The following RALA variants were observed in gnomAD, a reference collection of about 807,000 sequenced individuals.
RALA encodes the protein ras-related protein Ral-A.
In RALA, 5 loss-of-function variants were observed where a neutral mutation model predicts 24.0. The observed-to-expected ratio is 0.21, with a 90% confidence interval of 0.11 to 0.44. The LOEUF is 0.44. Among genes scored for constraint, RALA ranks in the 20% least tolerant of loss-of-function variants. The probability of loss-of-function intolerance (pLI) is 0.99; values close to 1 mark genes in which losing one functional copy is unlikely to be tolerated. For missense variants in RALA, 95 were observed against 241.2 expected (o/e 0.39, Z 4.01); for synonymous variants, 77 against 83.8 (o/e 0.92, Z 0.44).
chr7:39,630,081 G>T (rs956666183), intron 1 of RALA, among the ~76,000 whole-genome samples: 1 of 151,892 alleles, frequency 6.6e-6, no homozygotes, highest in Non-Finnish European at 1.5e-5. Flanking sequence ...GACCCTCCAG[G>T]CTGGAGTGCA....
intron 1 of RALA, among the ~76,000 whole-genome samples, chr7:39,660,652 C>T (rs961553924): frequency 1.3e-5 from 2 of 152,048 alleles, no homozygotes; most frequent in Admixed American, 1.3e-4. Context: ...GACCCTTGAA[C>T]AACACAGGTT....
At chr7:39,651,045 G>T (rs1439039356) in intron 1 of RALA, among the ~76,000 whole-genome samples, 1 of 152,168 alleles carries the variant, frequency 6.6e-6, no homozygotes, top group African/African-American at 2.4e-5. Flanking sequence ...CTTCTGTATC[G>T]TAGACAGTCC....
At chr7:39,629,285 G>A (rs930760458) in intron 1 of RALA, among the ~76,000 whole-genome samples, 3 of 152,192 alleles carry the variant, frequency 2.0e-5, no homozygotes, top group Admixed American at 6.5e-5. Flanking sequence ...GATCTAATAG[G>A]TAAGAAATTG....
intron 1 of RALA, among the ~76,000 whole-genome samples, chr7:39,628,410 CACAT>C (rs1232384852): frequency 6.7e-6 from 1 of 148,444 alleles, no homozygotes; most frequent in Non-Finnish European, 1.5e-5. Context: ...CACACACACA[CACAT>C]TCTTTCTCTC....
At chr7:39,628,431 A>T (rs1247518129) in intron 1 of RALA, among the ~76,000 whole-genome samples, 1 of 151,140 alleles carries the variant, frequency 6.6e-6, no homozygotes, top group Non-Finnish European at 1.5e-5. Context: ...TCTCTCTTAA[A>T]GGCCTTCTTC....
At chr7:39,665,662 T>G (rs1792274279) in intron 1 of RALA, among the ~76,000 whole-genome samples, 1 of 147,322 alleles carries the variant, frequency 6.8e-6, no homozygotes, top group East Asian at 1.9e-4. Context: ...TTTTTTTTTT[T>G]GGTGTGATTA....
At chr7:39,705,032 C>A (rs1454459625) in intron 4 of RALA, among the ~76,000 whole-genome samples, 1 of 152,154 alleles carries the variant, frequency 6.6e-6, no homozygotes, top group Non-Finnish European at 1.5e-5. Context: ...AATTCTATAA[C>A]AAGATACACT....
intron 3 of RALA, among the ~76,000 whole-genome samples, chr7:39,695,577 A>G (rs1349800111): frequency 2.6e-5 from 4 of 151,286 alleles, no homozygotes; most frequent in Admixed American, 2.0e-4. Flanking sequence ...TTTTTTTTCT[A>G]TTTTTTATAG....
intron 4 of RALA, among the ~76,000 whole-genome samples, chr7:39,702,373 TAC>T (rs572687058): frequency 7.8e-4 from 119 of 152,310 alleles, no homozygotes; most frequent in Middle Eastern, 6.8e-3. Flanking sequence ...TGTATATATA[TAC>T]ACACACGTAA....
At chr7:39,627,018 T>C (rs1791501534) in intron 1 of RALA, among the ~76,000 whole-genome samples, 1 of 152,152 alleles carries the variant, frequency 6.6e-6, no homozygotes, top group Non-Finnish European at 1.5e-5. Context: ...TGTGCACTTT[T>C]TAAAATGCAC....
intron 2 of RALA, 128 bp from the exon 3 acceptor site, chr7:39,690,254 A>G (rs1278784855): frequency 2.9e-6 from 2 of 694,412 alleles, no homozygotes; most frequent in African/African-American, 3.6e-5. Context: ...CCATTGGAGG[A>G]ATCTGGGCAA....
intron 1 of RALA, among the ~76,000 whole-genome samples, chr7:39,638,780 T>G (rs1562608330): frequency 1.3e-5 from 2 of 152,236 alleles, no homozygotes; most frequent in Non-Finnish European, 2.9e-5. Flanking sequence ...TGGTGGACAT[T>G]TGGAGTTTTT....
At chr7:39,687,834 C>A (rs1562622994) in intron 2 of RALA, among the ~76,000 whole-genome samples, 1 of 152,192 alleles carries the variant, frequency 6.6e-6, no homozygotes, top group Non-Finnish European at 1.5e-5. Context: ...ACCCAGCTTA[C>A]CCAAGAAAAG....
At chr7:39,695,214 G>A (rs1167254280) in intron 3 of RALA, among the ~76,000 whole-genome samples, 3 of 152,086 alleles carry the variant, frequency 2.0e-5, no homozygotes, top group Non-Finnish European at 4.4e-5. Context: ...GACTCCTTAT[G>A]GATACCGACA....
chr7:39,627,027 A>G (rs1791501642), intron 1 of RALA, among the ~76,000 whole-genome samples: 1 of 151,176 alleles, frequency 6.6e-6, no homozygotes, highest in Non-Finnish European at 1.5e-5. Context: ...TTTAAAATGC[A>G]CTTTTAAATA....
At chr7:39,640,470 C>G (rs1017946233) in intron 1 of RALA, among the ~76,000 whole-genome samples, 4 of 152,124 alleles carry the variant, frequency 2.6e-5, no homozygotes, top group African/African-American at 9.7e-5. Context: ...TTTCCTGTTT[C>G]TTTTTAAATT....
At chr7:39,692,506 G>A (rs1792839086) in intron 3 of RALA, among the ~76,000 whole-genome samples, 1 of 152,124 alleles carries the variant, frequency 6.6e-6, no homozygotes, top group African/African-American at 2.4e-5. Flanking sequence ...CTCTAAAACT[G>A]TATTTAAAGG....
At chr7:39,628,599 G>T (rs572699468) in intron 1 of RALA, among the ~76,000 whole-genome samples, 1 of 152,030 alleles carries the variant, frequency 6.6e-6, no homozygotes. Context: ...TCTTTCACCC[G>T]TGCTGGAGTG....
chr7:39,699,983 T>C (rs1792994480), intron 4 of RALA, among the ~76,000 whole-genome samples: 1 of 152,126 alleles, frequency 6.6e-6, no homozygotes, highest in African/African-American at 2.4e-5. Flanking sequence ...GAAACCTGCA[T>C]ATGCGGAGGG....
Sources: allele counts gnomAD v4.1 joint callset (sites outside exome capture counted in the v4.1 genomes callset), GRCh38; gene constraint gnomAD v4.1.1; transcripts MANE v1.5; gene names NCBI Gene and HGNC (gene_info 2026-07-23, HGNC 2026-07-21).